Variants in SERGEF observed in about 807,000 individuals in gnomAD.
SERGEF encodes the protein secretion-regulating guanine nucleotide exchange factor.
In SERGEF, 51 loss-of-function variants were observed where a neutral mutation model predicts 50.0. That is an observed-to-expected ratio of 1.02 (90% CI 0.81 to 1.29). SERGEF has a LOEUF of 1.29. SERGEF is among the 50% of genes most tolerant of loss of function. The pLI is 0.00. For synonymous variants in SERGEF, 205 were observed against 212.4 expected (o/e 0.97, Z 0.30); for missense variants, 521 against 557.0 (o/e 0.94, Z 0.65).
chr11:17,994,030 G>C (rs1383488468), intron 6 of SERGEF, among the ~76,000 whole-genome samples: 1 of 152,072 alleles, frequency 6.6e-6, no homozygotes, highest in Non-Finnish European at 1.5e-5. Context: ...TCTAATAACA[G>C]GTCCTGTGCT....
chr11:17,982,125 G>A (rs1302347894), intron 8 of SERGEF, among the ~76,000 whole-genome samples: 1 of 152,134 alleles, frequency 6.6e-6, no homozygotes, highest in African/African-American at 2.4e-5. Flanking sequence ...TTCTTATACA[G>A]AAGGAACTGT....
chr11:17,804,922 A>G (rs535749140), intron 10 of SERGEF, among the ~76,000 whole-genome samples: 1 of 152,350 alleles, frequency 6.6e-6, no homozygotes, highest in Admixed American at 6.5e-5. Context: ...TCTGAGGGCT[A>G]AGAATATCCC....
At chr11:17,809,047 G>T (rs1849818987) in intron 10 of SERGEF, among the ~76,000 whole-genome samples, 1 of 152,168 alleles carries the variant, frequency 6.6e-6, no homozygotes, top group South Asian at 2.1e-4. Flanking sequence ...TGTCTTACTT[G>T]GTAGATATCA....
At chr11:18,009,371 T>C (rs1854151260) in intron 1 of SERGEF, among the ~76,000 whole-genome samples, 1 of 152,134 alleles carries the variant, frequency 6.6e-6, no homozygotes, top group Admixed American at 6.5e-5. Context: ...GGTACTGCCT[T>C]TTGGAGACAG....
intron 5 of SERGEF, among the ~76,000 whole-genome samples, chr11:17,998,446 T>C (rs937349190): frequency 0.17 from 1,480 of 8,832 alleles, 9 homozygotes; most frequent in Non-Finnish European, 0.23. Flanking sequence ...CATACATATA[T>C]ATATATATAT....
intron 9 of SERGEF, among the ~76,000 whole-genome samples, chr11:17,941,877 G>T (rs370295446): frequency 6.6e-6 from 1 of 152,124 alleles, no homozygotes; most frequent in African/African-American, 2.4e-5. Flanking sequence ...CTTCTCTAAT[G>T]ATTAGGGATG....
At chr11:17,789,853 T>C (rs1849450745) in intron 10 of SERGEF, among the ~76,000 whole-genome samples, 1 of 152,186 alleles carries the variant, frequency 6.6e-6, no homozygotes, top group Admixed American at 6.6e-5. Context: ...GACATGGTGG[T>C]GCATGCCTGT....
intron 5 of SERGEF, among the ~76,000 whole-genome samples, chr11:18,000,024 T>C (rs1158613134): frequency 6.6e-6 from 1 of 152,232 alleles, no homozygotes; most frequent in Non-Finnish European, 1.5e-5. Flanking sequence ...CTAATGTCTT[T>C]CCTACATGAC....
At chr11:17,941,324 T>A (rs1275597454) in intron 9 of SERGEF, among the ~76,000 whole-genome samples, 2 of 152,174 alleles carry the variant, frequency 1.3e-5, no homozygotes, top group Non-Finnish European at 2.9e-5. Context: ...ACCATCCATC[T>A]CCAGAACTCT....
At chr11:17,957,200 G>C (rs1852894009) in intron 9 of SERGEF, among the ~76,000 whole-genome samples, 1 of 152,166 alleles carries the variant, frequency 6.6e-6, no homozygotes, top group Non-Finnish European at 1.5e-5. Context: ...ATCAATGTCA[G>C]GCTCTTAGAC....
At chr11:17,852,283 T>G (rs79414611) in intron 10 of SERGEF, among the ~76,000 whole-genome samples, 1 of 152,352 alleles carries the variant, frequency 6.6e-6, no homozygotes, top group Non-Finnish European at 1.5e-5. Context: ...CCCGAACCCA[T>G]GCTCTTTCAA....
chr11:17,833,924 C>T (rs930294436), intron 10 of SERGEF, among the ~76,000 whole-genome samples: 3 of 152,156 alleles, frequency 2.0e-5, no homozygotes, highest in African/African-American at 7.2e-5. Context: ...AGGGACTTGC[C>T]TGGTCTCGGA....
At chr11:17,973,659 G>A (rs1303804746) in intron 8 of SERGEF, among the ~76,000 whole-genome samples, 1 of 152,072 alleles carries the variant, frequency 6.6e-6, no homozygotes, top group Non-Finnish European at 1.5e-5. Flanking sequence ...CCCATCCCTG[G>A]GAAACTGTCC....
chr11:17,988,409 G>A (rs941839986), intron 8 of SERGEF, among the ~76,000 whole-genome samples, 188 bp downstream of exon 8: 1 of 152,108 alleles, frequency 6.6e-6, no homozygotes, highest in Non-Finnish European at 1.5e-5. Context: ...GCCCTTTTGG[G>A]TACAAACCTG....
chr11:17,798,894 A>T (rs1849614928), intron 10 of SERGEF, among the ~76,000 whole-genome samples: 1 of 152,200 alleles, frequency 6.6e-6, no homozygotes, highest in Non-Finnish European at 1.5e-5. Flanking sequence ...GAGGTCCAGA[A>T]GCAAGCACAC....
chr11:17,978,189 C>T (rs2133987051), intron 8 of SERGEF, among the ~76,000 whole-genome samples: 2 of 152,220 alleles, frequency 1.3e-5, no homozygotes, highest in East Asian at 3.9e-4. Flanking sequence ...TACCCTCAGG[C>T]TGTAGAGCAG....
chr11:17,995,284 C>T (rs1215002151), intron 6 of SERGEF, among the ~76,000 whole-genome samples: 1 of 152,182 alleles, frequency 6.6e-6, no homozygotes, highest in Non-Finnish European at 1.5e-5. Flanking sequence ...CTCACTCCTG[C>T]TTCCTTTTTG....
At chr11:17,828,357 G>A (rs1300619017) in intron 10 of SERGEF, among the ~76,000 whole-genome samples, 2 of 152,174 alleles carry the variant, frequency 1.3e-5, no homozygotes, top group African/African-American at 2.4e-5. Context: ...GGCCTGCACC[G>A]GCAGCAGGAG....
chr11:17,819,822 T>C (rs1272357432), intron 10 of SERGEF, among the ~76,000 whole-genome samples: 3 of 152,180 alleles, frequency 2.0e-5, no homozygotes, highest in East Asian at 3.8e-4. Flanking sequence ...TGGTAAAGCA[T>C]GGCCCACTTT....
Sources: gnomAD v4.1 joint callset for allele counts (sites outside exome capture counted in the v4.1 genomes callset) on GRCh38, gnomAD v4.1.1 for gene constraint, MANE v1.5 for transcripts, NCBI Gene and HGNC (gene_info 2026-07-23, HGNC 2026-07-21) for gene names.